Variants in ZNF511 observed in about 807,000 individuals in gnomAD.
The protein encoded by ZNF511 is zinc finger protein 511.
In ZNF511, 26 loss-of-function variants were observed where a neutral mutation model predicts 24.8. The ratio of observed to expected loss-of-function variants is 1.05; its 90% CI spans 0.77 to 1.46. The LOEUF (loss-of-function observed/expected upper bound fraction) is 1.46, where lower values mean the gene tolerates loss of function less well. Ranked by LOEUF, ZNF511 falls within the 40% of genes most tolerant of loss-of-function variation. The probability of loss-of-function intolerance (pLI) is 0.00; values close to 1 mark genes in which losing one functional copy is unlikely to be tolerated. For missense variants in ZNF511, 358 were observed against 345.0 expected, an observed-to-expected ratio of 1.04 and a Z score of -0.30; for synonymous variants, 144 against 139.6, an observed-to-expected ratio of 1.03 and a Z score of -0.22.
At position 133,309,425 on chromosome 10, in the gene ZNF511, C is replaced by G. The variant is rs758356967; in HGVS notation, c.189C>G (p.Asp63Glu). The part of the protein sequence containing the change: ...GDVQRHLYLQ[D>E]VIMQVADVPE... ...TGCAGCGCCACCTCTACCTCCAGGA[C>G]GTGATCATGCAGGTGGCCGACGTGC... The change falls in exon 2 of 6, where the codon GAC (aspartate) becomes GAG (glutamate). Residue 63 changes from aspartate to glutamate, a missense_variant. Physicochemically the swap from Asp to Glu is conservative, Grantham distance 45. Coordinates refer to ENST00000361518, the MANE Select transcript of ZNF511 (RefSeq NM_145806.4). 16 of 1,612,540 alleles carry G rather than the reference C, an allele frequency of 9.9e-6. 2 individuals are homozygous for G. The highest frequency in any genetic ancestry group is 7.7e-5 in the South Asian group (7 of 91,022).
intron 4 of ZNF511, 108 bp downstream of exon 4, chr10:133,310,396 C>G: frequency 7.1e-7 from 1 of 1,401,098 alleles, no homozygotes; most frequent in Non-Finnish European, 9.7e-7. Flanking sequence ...TGTGTGTCAC[C>G]TAATGGGGTG....
intron 3 of ZNF511, 65 bp downstream of exon 3, chr10:133,310,042 C>T (rs1284588707): frequency 6.2e-7 from 1 of 1,608,894 alleles, no homozygotes; most frequent in Admixed American, 1.7e-5. Context: ...AGTGCTGCCC[C>T]CAGCTCTCGG....
intron 1 of ZNF511, 106 bp downstream of exon 1, chr10:133,309,202 G>A (rs1179984813): frequency 8.7e-6 from 12 of 1,374,226 alleles, no homozygotes; most frequent in South Asian, 1.6e-5. Context: ...CTGCGGGGCG[G>A]GGCCGGAGCC....
intron 5 of ZNF511, chr10:133,312,353 A>C: frequency 8.6e-7 from 1 of 1,158,386 alleles, no homozygotes; most frequent in Non-Finnish European, 1.1e-6. Context: ...ATTTGGGAAA[A>C]ACGGTGAACA....
chr10:133,310,091 C>A (rs1414908335), intron 3 of ZNF511, 73 bp from the exon 4 acceptor site: 15 of 1,610,700 alleles, frequency 9.3e-6, no homozygotes, highest in Non-Finnish European at 1.3e-5. Flanking sequence ...CCGCCCTTGG[C>A]AGCTCTGCTA....
chr10:133,311,054 A>G (rs925970839), intron 4 of ZNF511, among the ~76,000 whole-genome samples: 1 of 152,220 alleles, frequency 6.6e-6, no homozygotes, highest in Non-Finnish European at 1.5e-5. Context: ...CATCTGCCTC[A>G]GCCTCCCAAA....
Position 133,309,873 on chromosome 10 carries a change from T to C in ZNF511, c.325T>C (p.Cys109Arg), listed in dbSNP as rs141141591. 721 of 1,613,696 alleles carry C rather than the reference T, an allele frequency of 4.5e-4. 1 individual carries two copies. The highest frequency in any genetic ancestry group is 5.5e-4 in the Non-Finnish European group (649 of 1,180,038). ...HHYHTLHGNV[C>R]SFCKRAFPSG... is the part of the protein sequence containing the mutation. ...CTACCACACGCTGCACGGAAATGTT[T>C]GCTCCTTTTGCAAGCGGGCCTTCCC... Residue 109 changes from cysteine to arginine, a missense_variant, in exon 3 of 6, where the codon TGC becomes CGC. Cys to Arg is a radical substitution (Grantham distance 180, BLOSUM62 -3). Coordinates refer to ENST00000361518, the MANE Select transcript of ZNF511 (RefSeq NM_145806.4).
chr10:133,311,663 A>G (rs536073236), intron 4 of ZNF511, 53 bp from the exon 5 acceptor site: 3 of 1,475,532 alleles, frequency 2.0e-6, no homozygotes, highest in East Asian at 4.6e-5. Context: ...TCTGGGGAAC[A>G]CAGGGGCTGT....
chr10:133,309,027 G>A lies in ZNF511; in HGVS notation c.84G>A (p.Ala28=), dbSNP rs1047591720. The change falls in exon 1 of 6, where the codon GCG becomes GCA. Residue 28 remains alanine (A), a synonymous_variant. Transcript: ENST00000361518. ...CGCTGCCTGTAGAGCGGGATCCCGC[G>A]GCTGGGGCCGCGCCCTTTCGCTTCG... ...AEPLPVERDP[A]AGAAPFRFVA... 2 of 1,261,790 alleles carry A rather than the reference G, an allele frequency of 1.6e-6. No individual in the cohort carries two copies. The highest frequency in any genetic ancestry group is 4.2e-5 in the Admixed American group (1 of 23,904). The allele number at this position is 1,261,790 out of a possible 1,614,324, so 78.2% of individuals were successfully genotyped here.
intron 1 of ZNF511, 101 bp from the exon 2 acceptor site, chr10:133,309,289 C>G: frequency 6.9e-7 from 1 of 1,445,064 alleles, no homozygotes; most frequent in East Asian, 2.5e-5. Flanking sequence ...TGGGGCGGGA[C>G]CGGAGCGCGG....
intron 5 of ZNF511, 184 bp from the exon 6 acceptor site, chr10:133,312,604 C>T (rs1183526619): frequency 3.4e-6 from 5 of 1,480,002 alleles, no homozygotes; most frequent in East Asian, 2.4e-5. Flanking sequence ...CTGGCGGGGA[C>T]CCCCCACAGG....
chr10:133,309,335 G>A (rs758178859), intron 1 of ZNF511, 55 bp from the exon 2 acceptor site: 14 of 1,578,420 alleles, frequency 8.9e-6, no homozygotes, highest in African/African-American at 1.4e-5. Flanking sequence ...GAGGCCTGAC[G>A]CGGTGGGCGT....
chr10:133,309,665 G>A, intron 2 of ZNF511, 111 bp from the exon 3 acceptor site: 1 of 1,371,302 alleles, frequency 7.3e-7, no homozygotes, highest in African/African-American at 1.4e-5. Flanking sequence ...GTTTGGGATT[G>A]CAAAAGATGC....
chr10:133,312,253 C>T, intron 5 of ZNF511: 3 of 1,336,336 alleles, frequency 2.2e-6, no homozygotes, highest in Non-Finnish European at 2.9e-6. Context: ...ATGACCTGTG[C>T]CGTCTGCCTT....
At chr10:133,310,962 C>T (rs538017541) in intron 4 of ZNF511, among the ~76,000 whole-genome samples, 5 of 152,248 alleles carry the variant, frequency 3.3e-5, no homozygotes, top group African/African-American at 7.2e-5. Context: ...TCGCCGCACT[C>T]GGCAAAATTT....
At chr10:133,310,764 T>G (rs535784681) in intron 4 of ZNF511, among the ~76,000 whole-genome samples, 1 of 152,296 alleles carries the variant, frequency 6.6e-6, no homozygotes, top group East Asian at 1.9e-4. Flanking sequence ...ATTAACATGT[T>G]CCTGCCTAGA....
At chr10:133,310,624 C>T (rs546716970) in intron 4 of ZNF511, 82 of 341,200 alleles carry the variant, frequency 2.4e-4, no homozygotes, top group African/African-American at 1.5e-3. Flanking sequence ...CGTGGTCATC[C>T]GCACTCACAC....
At chr10:133,309,332 GACGCGGTGGGCGTGCCGCGAGTC>G in intron 1 of ZNF511, 35 bp from the exon 2 acceptor site, 2 of 1,575,666 alleles carry the variant, frequency 1.3e-6, no homozygotes, top group Non-Finnish European at 1.7e-6. Context: ...GGCGAGGCCT[GACGCGGTGGGCGTGCCGCGAGTC>G]ACCTGGCCCC....
At position 133,309,314 on chromosome 10, in the gene ZNF511, C is replaced by G. The variant is rs1407514837; in HGVS notation, c.154-76C>G. On this transcript the variant is annotated intron_variant, in intron 1 of 5. Coordinates refer to ENST00000361518, the MANE Select transcript of ZNF511 (RefSeq NM_145806.4). ...CCGGAGCGCGGGATGACTGGGGCCA[C>G]GGGTGTGGGCGAGGCCTGACGCGGT... is the stretch of plus-strand genomic sequence containing the variant. 6 of 1,525,342 alleles carry G rather than the reference C, an allele frequency of 3.9e-6. 1 individual carries two copies. Among genetic ancestry groups the G allele is most frequent in the East Asian group, 4.8e-5 (2 of 41,288 alleles). The allele number at this position is 1,525,342 out of a possible 1,614,324, so 94.5% of individuals were successfully genotyped here. A position where few individuals can be genotyped will look rare whatever the true frequency, so the allele number is the denominator to read the frequency against.
Sources: gnomAD v4.1 joint callset for allele counts (sites outside exome capture counted in the v4.1 genomes callset) on GRCh38, gnomAD v4.1.1 for gene constraint, MANE v1.5 for transcripts, NCBI Gene and HGNC (gene_info 2026-07-23, HGNC 2026-07-21) for gene names.